The following TNPO2 variants were observed in gnomAD, a reference collection of about 807,000 sequenced individuals.
TNPO2 encodes transportin-2.
Under a neutral mutation model 111.1 loss-of-function variants are expected in TNPO2, and 16 were observed. That is an observed-to-expected ratio of 0.14 (90% CI 0.10 to 0.22). The LOEUF (loss-of-function observed/expected upper bound fraction) is 0.22, where lower values mean the gene tolerates loss of function less well. Ranked by LOEUF, TNPO2 falls within the 10% of genes least tolerant of loss-of-function variation. The probability of loss-of-function intolerance (pLI) is 1.00; values close to 1 mark genes in which losing one functional copy is unlikely to be tolerated. For missense variants in TNPO2, 530 were observed against 1,173.7 expected (o/e 0.45, Z 8.01); for synonymous variants, 481 against 475.8 (o/e 1.01, Z -0.14).
At chr19:12,720,352 T>C (rs749921178) in intron 3 of TNPO2, among the ~76,000 whole-genome samples, 3 of 152,066 alleles carry the variant, frequency 2.0e-5, no homozygotes, top group Non-Finnish European at 4.4e-5. Context: ...GGTCTGGCTC[T>C]GTCGCCCAGG....
intron 10 of TNPO2, 50 bp from the exon 11 acceptor site, chr19:12,711,663 T>TG: frequency 6.4e-7 from 1 of 1,564,606 alleles, no homozygotes; most frequent in Admixed American, 1.8e-5. Flanking sequence ...TGGCAAAAGT[T>TG]GGGGGGAGGC....
chr19:12,720,084 T>C (rs569638654), intron 3 of TNPO2, among the ~76,000 whole-genome samples: 31 of 152,184 alleles, frequency 2.0e-4, no homozygotes, highest in African/African-American at 7.2e-4. Context: ...TGGCACGATC[T>C]CCGCTCACTG....
Position 12,703,460 on chromosome 19 carries a change from G to C in TNPO2, c.2177C>G (p.Thr726Ser). Residue 726 changes from threonine to serine, a missense_variant, in exon 20 of 26, where the codon ACC becomes AGC. Coordinates refer to ENST00000425528, the MANE Select transcript of TNPO2 (RefSeq NM_001382241.1). ...CATGCAGATTTCACCAATGGCCCAG[G>C]TGGCGTTGTTGCAGACGGAGATGAA... The part of the protein sequence containing the change: ...PEFISVCNNA[T>S]WAIGEICMQM... The C allele has an allele frequency of 6.2e-7, 1 of 1,614,020 alleles. No individual in the cohort carries two copies. Among genetic ancestry groups the C allele is most frequent in the Non-Finnish European group, 8.5e-7 (1 of 1,179,902 alleles).
chr19:12,701,684 C>A lies in TNPO2; in HGVS notation c.2512-12G>T, dbSNP rs779467351. ...AAGAAAATAAAGTCCTGAAACGTGA[C>A]GGATCCCAGGTGAGGGGCCGCCCGA... On this transcript the variant is annotated splice_polypyrimidine_tract_variant and intron_variant, in intron 23 of 25. Coordinates refer to ENST00000425528, the MANE Select transcript of TNPO2 (RefSeq NM_001382241.1). This position sits in a 1 kb window ranked among gnomAD's most constrained non-coding sequence, Gnocchi z 5.0. 6.2e-7 allele frequency: 1 copy of A among 1,613,692 alleles called. No homozygotes were observed. The highest frequency in any genetic ancestry group is 1.3e-5 in the African/African-American group (1 of 74,894).
intron 5 of TNPO2, among the ~76,000 whole-genome samples, chr19:12,717,176 C>T (rs1384479620): frequency 2.1e-5 from 3 of 145,944 alleles, no homozygotes; most frequent in East Asian, 3.8e-4. Flanking sequence ...GCCACACCCC[C>T]TCATTCTGTG....
chr19:12,709,700 C>G lies in TNPO2; in HGVS notation c.1270+921G>C, dbSNP rs2025928167. ...GTCTCACTATATTGCCCAGGCTGGT[C>G]TTGAACACCTGGGCTCAAACGATCT... is the stretch of plus-strand genomic sequence containing the variant. On this transcript the variant is annotated intron_variant, in intron 13 of 25. Coordinates refer to ENST00000425528, the MANE Select transcript of TNPO2 (RefSeq NM_001382241.1). 8.6e-5 allele frequency among the ~76,000 whole-genome samples: 12 copies of G among 139,522 alleles called. No individual in the cohort carries two copies. The Admixed American group carries it at 9.2e-4, about 11-fold the overall frequency. 91.5% of individuals were successfully genotyped at this position (139,522 alleles called of 152,430 possible).
chr19:12,710,942 C>G (rs909779881), intron 12 of TNPO2, among the ~76,000 whole-genome samples, 169 bp from the exon 13 acceptor site: 6 of 152,056 alleles, frequency 3.9e-5, no homozygotes, highest in Admixed American at 3.3e-4. Flanking sequence ...CCGCCCAGGC[C>G]GGAGTGCAGT....
At position 12,715,402 on chromosome 19, in the gene TNPO2, C is replaced by G; in HGVS notation, c.566+3G>C. The stretch of plus-strand genomic sequence containing the variant: ...CTGGAAGCCCCCAGGGAGCTGCACC[C>G]ACCGGATCTTGGGACTGCAGTGCTT... On this transcript the variant is annotated splice_donor_region_variant and intron_variant, in intron 7 of 25. Transcript: ENST00000425528. This position sits in a 1 kb window ranked among gnomAD's most constrained non-coding sequence, Gnocchi z 7.1. The G allele has an allele frequency of 6.2e-7, 1 of 1,613,942 alleles. No homozygotes were observed. The highest frequency in any genetic ancestry group is 8.5e-7 in the Non-Finnish European group (1 of 1,179,864).
chr19:12,704,476 T>C (rs766277591), intron 18 of TNPO2, among the ~76,000 whole-genome samples: 2 of 152,174 alleles, frequency 1.3e-5, no homozygotes, highest in Admixed American at 6.5e-5. Flanking sequence ...TCTAATACAA[T>C]GTCAACAGTA....
At position 12,721,902 on chromosome 19, in the gene TNPO2, C is replaced by T. The variant is rs1966989683; in HGVS notation, c.-13-912G>A. ...CGTGTCAGTAACCCCCTGGTCCGAT[C>T]CTTGCAGCCTCCCCCAGTTCGGCCT... On this transcript the variant is annotated intron_variant, in intron 2 of 25. Coordinates refer to ENST00000425528, the MANE Select transcript of TNPO2 (RefSeq NM_001382241.1). The surrounding 1 kb of genome is among the most constrained non-coding windows in gnomAD (Gnocchi z 4.9). Among the ~76,000 whole-genome samples, 2 of 151,216 alleles carry T rather than the reference C, an allele frequency of 1.3e-5. No homozygotes were observed. Among genetic ancestry groups the T allele is most frequent in the South Asian group, 2.1e-4 (1 of 4,758 alleles).
intron 11 of TNPO2, 38 bp downstream of exon 11, chr19:12,711,515 C>A (rs766059409): frequency 6.2e-7 from 1 of 1,613,782 alleles, no homozygotes; most frequent in Non-Finnish European, 8.5e-7. Flanking sequence ...GCGACACCCA[C>A]GCCCATGCCC....
chr19:12,706,496 G>A lies in TNPO2; in HGVS notation c.1496+74C>T. 4.4e-6 allele frequency: 7 copies of A among 1,575,832 alleles called. No homozygotes were observed. Among genetic ancestry groups the A allele is most frequent in the Middle Eastern group, 1.7e-4 (1 of 5,984 alleles). ...GCGATAAATCAGTTCCACATCAACA[G>A]TCACAGGTGTCATCACTTCCCAGAG... On this transcript the variant is annotated intron_variant, in intron 14 of 25. Coordinates refer to ENST00000425528, the MANE Select transcript of TNPO2 (RefSeq NM_001382241.1). The surrounding 1 kb of genome is among the most constrained non-coding windows in gnomAD (Gnocchi z 7.0).
chr19:12,704,571 C>G (rs2025522265), intron 18 of TNPO2, among the ~76,000 whole-genome samples: 1 of 152,304 alleles, frequency 6.6e-6, no homozygotes, highest in Admixed American at 6.5e-5. Context: ...GTAATTTTTC[C>G]TCTGAGTATT....
At chr19:12,720,819 G>A in intron 3 of TNPO2, 60 bp downstream of exon 3, 1 of 1,530,540 alleles carries the variant, frequency 6.5e-7, no homozygotes, top group Non-Finnish European at 8.8e-7. Flanking sequence ...TCTCTCTCTG[G>A]CCTTTGGAAA....
Position 12,706,250 on chromosome 19 carries a change from G to C in TNPO2, c.1614C>G (p.Leu538=), listed in dbSNP as rs2025656575. 1 of 1,613,926 alleles carries C rather than the reference G, an allele frequency of 6.2e-7. No individual in the cohort carries two copies. The highest frequency in any genetic ancestry group is 1.3e-5 in the African/African-American group (1 of 74,944). The change falls in exon 15 of 26, where the codon CTC becomes CTG. Residue 538 remains leucine, a synonymous_variant. Transcript: ENST00000425528. The surrounding 1 kb of genome is among the most constrained non-coding windows in gnomAD (Gnocchi z 7.0). ...GKYQHKNLLI[L]YDAIGTLADS... ...CGGCCAGGGTGCCAATGGCGTCATA[G>C]AGGATGAGCAGGTTCTTGTGCTGGT...
In TNPO2 at chr19:12,701,544, G is replaced by A; in HGVS notation, c.2586+54C>T. On this transcript the variant is annotated intron_variant, in intron 24 of 25. Transcript: ENST00000425528. This position sits in a 1 kb window ranked among gnomAD's most constrained non-coding sequence, Gnocchi z 5.0. ...TCCCCAGGCCCCATTGTTACCAGAT[G>A]GTCTCACCCCTGCCTGCTCCCGGAA... The A allele has an allele frequency of 6.2e-7, 1 of 1,604,892 alleles. No homozygotes were observed. Among genetic ancestry groups the A allele is most frequent in the Non-Finnish European group, 8.5e-7 (1 of 1,171,902 alleles).
intron 13 of TNPO2, among the ~76,000 whole-genome samples, chr19:12,710,011 G>A (rs2025949572): frequency 6.6e-6 from 1 of 152,086 alleles, no homozygotes; most frequent in Non-Finnish European, 1.5e-5. Flanking sequence ...TGAGGCAATG[G>A]TATATGATGC....
At position 12,702,270 on chromosome 19, in the gene TNPO2, T is replaced by G; in HGVS notation, c.2306-93A>C. ...CCATGAGCCCCAAGGGAATGGCTAC[T>G]GCAGCCACCCTGGTCCCCCAAGCTT... On this transcript the variant is annotated intron_variant, in intron 21 of 25. Transcript: ENST00000425528. This position sits in a 1 kb window ranked among gnomAD's most constrained non-coding sequence, Gnocchi z 5.5. 9.1e-7 allele frequency: 1 copy of G among 1,102,296 alleles called. No homozygotes were observed. The highest frequency in any genetic ancestry group is 1.4e-5 in the South Asian group (1 of 72,702). The allele number at this position is 1,102,296 out of a possible 1,614,324, so 68.3% of individuals were successfully genotyped here.
Position 12,706,220 on chromosome 19 carries a change from A to G in TNPO2, c.1644T>C (p.Ser548=), listed in dbSNP as rs762866420. 5 of 1,613,834 alleles carry G rather than the reference A, an allele frequency of 3.1e-6. No homozygotes were observed. The highest frequency in any genetic ancestry group is 2.2e-5 in the East Asian group (1 of 44,870). ...LYDAIGTLAD[S]VGHHLNQPEY... The stretch of plus-strand genomic sequence containing the variant: ...CCGGCTGGTTGAGGTGGTGGCCTAC[A>G]GAGTCGGCCAGGGTGCCAATGGCGT... The change falls in exon 15 of 26, where the codon TCT becomes TCC. Residue 548 remains serine (S), a synonymous_variant. Coordinates refer to ENST00000425528, the MANE Select transcript of TNPO2 (RefSeq NM_001382241.1). The surrounding 1 kb of genome is among the most constrained non-coding windows in gnomAD (Gnocchi z 7.0).
Sources: allele counts gnomAD v4.1 joint callset (sites outside exome capture counted in the v4.1 genomes callset), GRCh38; gene constraint gnomAD v4.1.1; non-coding constraint Gnocchi (gnomAD v3.1); transcripts MANE v1.5; gene names NCBI Gene and HGNC (gene_info 2026-07-23, HGNC 2026-07-21).